Variants in BCAT2 observed in about 807,000 individuals in gnomAD.
BCAT2 encodes branched-chain-amino-acid aminotransferase, mitochondrial.
In BCAT2, 44 loss-of-function variants were observed where a neutral mutation model predicts 52.9. The ratio of observed to expected loss-of-function variants is 0.83; its 90% CI spans 0.65 to 1.07. BCAT2 has a LOEUF of 1.07. BCAT2 is among the 50% of genes least tolerant of loss of function. The pLI, the probability that BCAT2 is intolerant of heterozygous loss-of-function variation, is 0.00. For missense variants in BCAT2, 478 were observed against 521.8 expected (o/e 0.92, Z 0.82); for synonymous variants, 215 against 217.1 (o/e 0.99, Z 0.08).
chr19:48,800,160 C>T (rs757648421), intron 4 of BCAT2, 27 bp downstream of exon 4: 8 of 1,612,650 alleles, frequency 5.0e-6, no homozygotes, highest in Admixed American at 1.7e-5. Flanking sequence ...GCCCTCCTCC[C>T]CACCCCGGTG....
Position 48,796,431 on chromosome 19 carries a change from G to C in BCAT2, c.1137C>G (p.Ile379Met). Residue 379 changes from isoleucine (I) to methionine (M), a missense_variant, in exon 10 of 11, where the codon ATC (isoleucine) becomes ATG (methionine). By Grantham distance (10) the Ile-to-Met change is conservative (BLOSUM62 1). Transcript: ENST00000316273. Reference sequence around the variant, plus strand: ...TCCCCAGCTCCCTGCAGCTCACCTGGATCTCCTTCAGCTCCTTCTGGAAGC... The same window carrying C: ...TCCCCAGCTCCCTGCAGCTCACCTGCATCTCCTTCAGCTCCTTCTGGAAGC... ...ILRFQKELKEIQYGIRAHEWM... is the reference protein window; with the variant it reads ...ILRFQKELKEMQYGIRAHEWM... 1 of 1,614,142 alleles carries C rather than the reference G, an allele frequency of 6.2e-7. No individual in the cohort carries two copies. Among genetic ancestry groups the C allele is most frequent in the Non-Finnish European group, 8.5e-7 (1 of 1,180,014 alleles).
At chr19:48,804,497 T>C (rs1024003989) in intron 3 of BCAT2, among the ~76,000 whole-genome samples, 11 of 152,128 alleles carry the variant, frequency 7.2e-5, no homozygotes, top group African/African-American at 2.2e-4. Context: ...TGAGCGAGAT[T>C]GTATCATTGC....
At chr19:48,798,412 A>G (rs4802504) in intron 6 of BCAT2, among the ~76,000 whole-genome samples, 59,793 of 152,132 alleles carry the variant, frequency 0.39, 12,061 homozygotes, top group Admixed American at 0.45. Context: ...TCCTTCCGGC[A>G]TTCCAGGCCT....
chr19:48,800,164 C>T (rs750963450), intron 4 of BCAT2, 23 bp downstream of exon 4: 1 of 1,612,824 alleles, frequency 6.2e-7, no homozygotes. Flanking sequence ...TCCTCCCCAC[C>T]CCGGTGGACC....
In BCAT2 at chr19:48,799,593, C is replaced by T. The variant is rs1217624045; in HGVS notation, c.695+82G>A. The T allele has an allele frequency of 1.4e-6, 2 of 1,440,896 alleles. No homozygotes were observed. The highest frequency in any genetic ancestry group is 2.9e-5 in the Admixed American group (1 of 34,792). 89.3% of individuals were successfully genotyped at this position (1,440,896 alleles called of 1,614,324 possible). On this transcript the variant is annotated intron_variant, in intron 6 of 10. Transcript: ENST00000316273. The surrounding 1 kb of genome is among the most constrained non-coding windows in gnomAD (Gnocchi z 5.5). ...GTCACCTTCATGTGACATCCAGAGG[C>T]ATGGCCGAAAGCACGCACGCTGGTC... is the stretch of plus-strand genomic sequence containing the variant.
chr19:48,807,724 T>C lies in BCAT2; in HGVS notation c.25-650A>G. ...CCCAGGAGTACAGGTGCTTATTCTC[T>C]GAAGGTATTCGATCAACTGGGCTCT... On this transcript the variant is annotated intron_variant, in intron 1 of 10. Transcript: ENST00000316273. This position sits in a 1 kb window ranked among gnomAD's most constrained non-coding sequence, Gnocchi z 4.6. 2 of 986,738 alleles carry C rather than the reference T, an allele frequency of 2.0e-6. No individual in the cohort carries two copies. Among genetic ancestry groups the C allele is most frequent in the Non-Finnish European group, 2.4e-6 (2 of 830,204 alleles). 61.1% of individuals were successfully genotyped at this position (986,738 alleles called of 1,614,324 possible).
At chr19:48,810,887 GCGGCGCCGAGTCGGAC>G in intron 1 of BCAT2, 81 bp downstream of exon 1, 2 of 1,549,502 alleles carry the variant, frequency 1.3e-6, no homozygotes, top group Non-Finnish European at 1.7e-6. Flanking sequence ...GGCGGGAGGA[GCGGCGCCGAGTCGGAC>G]CGGCTGCAGG....
rs772998929 is a variant in BCAT2 at position 48,807,098 on chromosome 19, AG to A, written c.25-25del. 1 of 1,603,332 alleles carries A rather than the reference AG, an allele frequency of 6.2e-7. No individual in the cohort carries two copies. The highest frequency in any genetic ancestry group is 8.5e-7 in the Non-Finnish European group (1 of 1,172,274). On this transcript the variant is annotated intron_variant, in intron 1 of 10. Coordinates refer to ENST00000316273, the MANE Select transcript of BCAT2 (RefSeq NM_001190.4). This position sits in a 1 kb window ranked among gnomAD's most constrained non-coding sequence, Gnocchi z 4.6. ...ATCTGGGTGGAGAAAGAAGTGAGAG[AG>A]GGGGTGAGTGGGGCACAGCAGGGGC... is the stretch of plus-strand genomic sequence containing the variant.
chr19:48,797,129 G>A (rs1022589747), intron 7 of BCAT2, 62 bp downstream of exon 7: 1 of 1,607,672 alleles, frequency 6.2e-7, no homozygotes, highest in Non-Finnish European at 8.5e-7. Context: ...CCTGTAACCT[G>A]CCAGGAATGA....
At chr19:48,809,812 G>T (rs1396696821) in intron 1 of BCAT2, among the ~76,000 whole-genome samples, 10 of 151,040 alleles carry the variant, frequency 6.6e-5, no homozygotes, top group Admixed American at 6.6e-4. Flanking sequence ...CAATCCCCAG[G>T]ACTATCCCTA....
intron 10 of BCAT2, chr19:48,795,923 T>C (rs1430397534): frequency 3.9e-6 from 1 of 257,042 alleles, no homozygotes; most frequent in Non-Finnish European, 7.4e-6. Flanking sequence ...CAGAGGCTCA[T>C]GGGAGGAAGC....
In BCAT2 at chr19:48,796,718, C is replaced by G. The variant is rs754103770; in HGVS notation, c.925G>C (p.Gly309Arg). 4 of 1,609,996 alleles carry G rather than the reference C, an allele frequency of 2.5e-6. No homozygotes were observed. Among genetic ancestry groups the G allele is most frequent in the Non-Finnish European group, 3.4e-6 (4 of 1,178,614 alleles). The stretch of plus-strand genomic sequence containing the variant: ...GTGCGCTCCACCACCCGGAACTCAC[C>G]CTGCAGGGCAGTTGGCAGAGACACG... Reference protein sequence around the residue: ...QSLLDMAQTWGEFRVVERTIT... With the variant: ...QSLLDMAQTWREFRVVERTIT... Residue 309 changes from glycine (G) to arginine (R), a missense_variant and splice_region_variant, in exon 9 of 11, where the codon GGT becomes CGT. Transcript: ENST00000316273.
At position 48,799,876 on chromosome 19, in the gene BCAT2, C is replaced by T; in HGVS notation, c.532-38G>A. On this transcript the variant is annotated intron_variant, in intron 5 of 10. Transcript: ENST00000316273. This position sits in a 1 kb window ranked among gnomAD's most constrained non-coding sequence, Gnocchi z 5.5. ...AAGGGACAGCGTCAGGAGTCCAGGC[C>T]CCCAGTCCCTTCCCGTCCCCAGGCC... 6.3e-7 allele frequency: 1 copy of T among 1,579,652 alleles called. No homozygotes were observed. Among genetic ancestry groups the T allele is most frequent in the South Asian group, 1.1e-5 (1 of 87,422 alleles).
rs1218428551 is a variant in BCAT2, at chr19:48,800,050, C to T, written c.462G>A (p.Val154=). The change falls in exon 5 of 11, where the codon GTG becomes GTA. Residue 154 remains valine (V), a synonymous_variant. Coordinates refer to ENST00000316273, the MANE Select transcript of BCAT2 (RefSeq NM_001190.4). ...LLECIRRLIE[V]DKDWVPDAAG... ...CGGCATCGGGGACCCAGTCCTTGTC[C>T]ACTTCGATGAGCCGGCGGATGCACT... 1 of 1,613,932 alleles carries T rather than the reference C, an allele frequency of 6.2e-7. No individual in the cohort carries two copies. Among genetic ancestry groups the T allele is most frequent in the Non-Finnish European group, 8.5e-7 (1 of 1,179,970 alleles).
In BCAT2 at chr19:48,807,137, C is replaced by A; in HGVS notation, c.25-63G>T. 1 of 1,398,196 alleles carries A rather than the reference C, an allele frequency of 7.2e-7. No homozygotes were observed. Among genetic ancestry groups the A allele is most frequent in the Non-Finnish European group, 9.9e-7 (1 of 1,007,652 alleles). 86.6% of individuals were successfully genotyped at this position (1,398,196 alleles called of 1,614,324 possible). A position where few individuals can be genotyped will look rare whatever the true frequency, so the allele number is the denominator to read the frequency against. On this transcript the variant is annotated intron_variant, in intron 1 of 10. Transcript: ENST00000316273. The surrounding 1 kb of genome is among the most constrained non-coding windows in gnomAD (Gnocchi z 4.6). ...GCACAGCAGGGGCCCTGGCAGCTCG[C>A]TCGCCACCTCCTGCACTTGGAGGTC... is the stretch of plus-strand genomic sequence containing the variant.
At chr19:48,806,894 C>T (rs1380834819) in intron 2 of BCAT2, 106 bp downstream of exon 2, 1 of 1,428,016 alleles carries the variant, frequency 7.0e-7, no homozygotes, top group Non-Finnish European at 9.8e-7. Context: ...TGTTAAGCTA[C>T]CACCACTCAC....
intron 10 of BCAT2, among the ~76,000 whole-genome samples, chr19:48,795,671 A>AAT (rs2034493802): frequency 4.6e-5 from 7 of 152,150 alleles, no homozygotes; most frequent in Non-Finnish European, 7.3e-5. Flanking sequence ...GTAGTTCTGA[A>AAT]GACAGGAATT....
In BCAT2 at chr19:48,810,860, C is replaced by T. The variant is rs2034906613; in HGVS notation, c.24+124G>A. The T allele has an allele frequency of 5.2e-6, 8 of 1,526,008 alleles. No homozygotes were observed. The South Asian group carries it at 7.3e-5, about 14-fold the overall frequency. The allele number at this position is 1,526,008 out of a possible 1,614,324, so 94.5% of individuals were successfully genotyped here. ...AAAGGGCGCCATCCTCCTCCGCGCC[C>T]TGCAGCGGAACCCCAGGGCGGGAGG... On this transcript the variant is annotated intron_variant, in intron 1 of 10. Transcript: ENST00000316273.
At position 48,799,071 on chromosome 19, in the gene BCAT2, C is replaced by G. The variant is rs2034597780; in HGVS notation, c.695+604G>C. On this transcript the variant is annotated intron_variant, in intron 6 of 10. Coordinates refer to ENST00000316273, the MANE Select transcript of BCAT2 (RefSeq NM_001190.4). This position sits in a 1 kb window ranked among gnomAD's most constrained non-coding sequence, Gnocchi z 5.5. ...ACTCATCTGTGTCCCCAGCTTCTGCCAGCACAGGGCCTGGCCCTCAGGAGA... is the reference window on the plus strand; with the variant it reads ...ACTCATCTGTGTCCCCAGCTTCTGCGAGCACAGGGCCTGGCCCTCAGGAGA... The G allele has an allele frequency of 6.6e-6, 1 of 152,356 alleles. No homozygotes were observed. The allele number at this position is 152,356 out of a possible 1,614,324, so 9.4% of individuals were successfully genotyped here.
Sources: allele counts gnomAD v4.1 joint callset (sites outside exome capture counted in the v4.1 genomes callset), GRCh38; gene constraint gnomAD v4.1.1; non-coding constraint Gnocchi (gnomAD v3.1); transcripts MANE v1.5; gene names NCBI Gene and HGNC (gene_info 2026-07-23, HGNC 2026-07-21).